GAPVD1: variants seen among roughly 807,000 people sequenced by gnomAD.
GAPVD1 encodes the protein GTPase-activating protein and VPS9 domain-containing protein 1.
A neutral mutation model predicts 155.5 loss-of-function variants in GAPVD1; 35 were observed. The ratio of observed to expected loss-of-function variants is 0.23; its 90% CI spans 0.17 to 0.30. The LOEUF is 0.30. GAPVD1 is among the 10% of genes least tolerant of loss of function. The pLI is 1.00. For synonymous variants in GAPVD1, 636 were observed against 619.7 expected (o/e 1.03, Z -0.39); for missense variants, 1,429 against 1,775.7 (o/e 0.80, Z 3.51).
At chr9:125,285,956 C>T (rs979331684) in intron 2 of GAPVD1, among the ~76,000 whole-genome samples, 15 of 151,814 alleles carry the variant, frequency 9.9e-5, no homozygotes, top group African/African-American at 2.4e-4. Context: ...TACAGGCATG[C>T]GCGATCACAC....
intron 19 of GAPVD1, chr9:125,346,225 C>G (rs1325439298): frequency 6.4e-6 from 1 of 155,956 alleles, no homozygotes; most frequent in Non-Finnish European, 1.4e-5. Context: ...TCTAGATTCT[C>G]TAGGAGTGCC....
chr9:125,344,318 T>G (rs1453106560), intron 19 of GAPVD1, among the ~76,000 whole-genome samples: 1 of 152,220 alleles, frequency 6.6e-6, no homozygotes, highest in Non-Finnish European at 1.5e-5. Context: ...TGTATTCTTC[T>G]TTTACCAAGT....
chr9:125,293,852 T>A (rs868329067), intron 2 of GAPVD1, among the ~76,000 whole-genome samples: 449 of 34,988 alleles, frequency 0.013, 6 homozygotes, highest in East Asian at 0.027. Flanking sequence ...AAAATATATT[T>A]TATATATATA....
chr9:125,318,940 C>T (rs1466034868), intron 9 of GAPVD1, among the ~76,000 whole-genome samples: 1 of 151,972 alleles, frequency 6.6e-6, no homozygotes, highest in Non-Finnish European at 1.5e-5. Context: ...CTTTGGGAGG[C>T]CGAAGCAGGC....
At chr9:125,350,970 A>C (rs565946717) in intron 23 of GAPVD1, 98 bp downstream of exon 23, 1 of 960,812 alleles carries the variant, frequency 1.0e-6, no homozygotes, top group East Asian at 2.4e-5. Context: ...GCTTCCTACA[A>C]AGTGCTTGGC....
intron 1 of GAPVD1, among the ~76,000 whole-genome samples, chr9:125,268,251 C>A (rs1421290120): frequency 6.9e-6 from 1 of 145,740 alleles, no homozygotes; most frequent in Non-Finnish European, 1.5e-5. Context: ...TCTTAGCCAC[C>A]GTCACAATGT....
intron 5 of GAPVD1, among the ~76,000 whole-genome samples, chr9:125,303,388 T>C (rs1037558596): frequency 5.3e-5 from 8 of 151,602 alleles, no homozygotes; most frequent in Admixed American, 3.9e-4. Flanking sequence ...CCCAGCACTT[T>C]GGGAGGCCAA....
intron 2 of GAPVD1, 142 bp downstream of exon 2, chr9:125,269,126 C>T (rs771484388): frequency 3.9e-5 from 6 of 151,942 alleles, no homozygotes; most frequent in South Asian, 2.1e-4. Context: ...GTGGTGCCAT[C>T]ATAGCTCACT....
At chr9:125,294,095 G>A (rs1414792399) in intron 2 of GAPVD1, among the ~76,000 whole-genome samples, 9 of 150,822 alleles carry the variant, frequency 6.0e-5, no homozygotes, top group African/African-American at 2.2e-4. Context: ...GTGTTTTTAA[G>A]TGGAGATAGG....
intron 9 of GAPVD1, among the ~76,000 whole-genome samples, chr9:125,318,905 G>A (rs1843849792): frequency 6.6e-6 from 1 of 152,106 alleles, no homozygotes; most frequent in African/African-American, 2.4e-5. Flanking sequence ...GCCAGGCGCA[G>A]TGGCTCACAC....
At chr9:125,264,169 A>C in intron 1 of GAPVD1, 1 of 669,058 alleles carries the variant, frequency 1.5e-6, no homozygotes. Context: ...GGGAGATAAA[A>C]AATTTGGATG....
intron 2 of GAPVD1, among the ~76,000 whole-genome samples, chr9:125,280,324 A>T (rs1175363937): frequency 1.5e-5 from 2 of 130,274 alleles, no homozygotes. Context: ...TGAACCCAGG[A>T]GGCGGAGGTT....
chr9:125,344,336 T>A (rs1477579203), intron 19 of GAPVD1, among the ~76,000 whole-genome samples: 1 of 152,212 alleles, frequency 6.6e-6, no homozygotes, highest in Non-Finnish European at 1.5e-5. Flanking sequence ...AGTTATTTTA[T>A]AAAACCTCCC....
At chr9:125,264,186 G>C in intron 1 of GAPVD1, 1 of 634,918 alleles carries the variant, frequency 1.6e-6, no homozygotes, top group Non-Finnish European at 2.8e-6. Flanking sequence ...GATGGGATCA[G>C]GGTAGTCTTT....
intron 15 of GAPVD1, among the ~76,000 whole-genome samples, chr9:125,334,270 T>TA (rs780577226): frequency 0.064 from 6,652 of 104,274 alleles, 267 homozygotes; most frequent in Admixed American, 0.12. Context: ...CACTCACAGT[T>TA]AAAAAAAAAA....
intron 15 of GAPVD1, among the ~76,000 whole-genome samples, chr9:125,333,223 G>A (rs1053814576): frequency 3.3e-5 from 5 of 151,848 alleles, no homozygotes; most frequent in Admixed American, 6.6e-5. Flanking sequence ...TTGGATTACA[G>A]GCACCCACCA....
chr9:125,349,404 G>A lies in GAPVD1; in HGVS notation c.3184G>A (p.Gly1062Ser), dbSNP rs1473180309. 2 of 1,613,628 alleles carry A rather than the reference G, an allele frequency of 1.2e-6. No individual in the cohort carries two copies. Among genetic ancestry groups the A allele is most frequent in the Non-Finnish European group, 1.7e-6 (2 of 1,179,762 alleles). The change falls in exon 21 of 28, where the codon GGT becomes AGT. Residue 1062 changes from glycine to serine, a missense_variant. Around this residue, in one of 4 missense-constraint regions of GAPVD1, gnomAD observed 699 missense variants for 826.0 expected, o/e 0.85. Coordinates refer to ENST00000297933, the MANE Select transcript of GAPVD1 (RefSeq NM_001282680.3). ...GTTTTGTTTAGAGGTTATGGGTGAT[G>A]GTGAAAGTGCACATGATTCTCCCCG... is the stretch of plus-strand genomic sequence containing the variant. ...NYESTEVMGDGESAHDSPRDE... is the reference protein window; with the variant it reads ...NYESTEVMGDSESAHDSPRDE...
At chr9:125,281,148 T>C (rs1416891470) in intron 2 of GAPVD1, among the ~76,000 whole-genome samples, 1 of 152,196 alleles carries the variant, frequency 6.6e-6, no homozygotes, top group Non-Finnish European at 1.5e-5. Context: ...TGGAATGTCA[T>C]ATGGGAGCCG....
chr9:125,288,268 C>T (rs1838038483), intron 2 of GAPVD1, among the ~76,000 whole-genome samples: 1 of 151,968 alleles, frequency 6.6e-6, no homozygotes, highest in Non-Finnish European at 1.5e-5. Flanking sequence ...CGCACCACCA[C>T]ACCTGGCTCA....
Sources: allele counts gnomAD v4.1 joint callset (sites outside exome capture counted in the v4.1 genomes callset), GRCh38; gene constraint gnomAD v4.1.1; regional missense constraint gnomAD v4.1.1; transcripts MANE v1.5; gene names NCBI Gene and HGNC (gene_info 2026-07-23, HGNC 2026-07-21).